Variants in IGSF21 observed in about 807,000 individuals in gnomAD.
IGSF21 encodes immunoglobulin superfamily member 21.
IGSF21 carries 28 observed loss-of-function variants against 46.8 expected under a neutral mutation model. The ratio of observed to expected loss-of-function variants is 0.60; its 90% CI spans 0.44 to 0.82. The LOEUF is 0.82. IGSF21 is among the 40% of genes least tolerant of loss of function. The probability of loss-of-function intolerance (pLI) is 0.00; values close to 1 mark genes in which losing one functional copy is unlikely to be tolerated. For missense variants in IGSF21, 624 were observed against 665.5 expected (o/e 0.94, Z 0.69); for synonymous variants, 284 against 273.6 (o/e 1.04, Z -0.38).
intron 1 of IGSF21, among the ~76,000 whole-genome samples, chr1:18,225,424 C>T (rs1240995855): frequency 2.6e-5 from 4 of 152,172 alleles, no homozygotes; most frequent in Non-Finnish European, 4.4e-5. Flanking sequence ...CACACTTACA[C>T]TTGCAATTCC....
At chr1:18,347,670 G>A (rs1230311467) in intron 4 of IGSF21, among the ~76,000 whole-genome samples, 1 of 152,186 alleles carries the variant, frequency 6.6e-6, no homozygotes, top group Non-Finnish European at 1.5e-5. Context: ...GGGAAGCGAG[G>A]CCTTTGAAAC....
At chr1:18,343,760 C>G (rs555110642) in intron 4 of IGSF21, among the ~76,000 whole-genome samples, 1 of 152,158 alleles carries the variant, frequency 6.6e-6, no homozygotes, top group Non-Finnish European at 1.5e-5. Flanking sequence ...TGTGAAAGTG[C>G]GAGTTTATTT....
intron 2 of IGSF21, among the ~76,000 whole-genome samples, chr1:18,275,770 C>A (rs534048738): frequency 6.6e-6 from 1 of 152,086 alleles, no homozygotes; most frequent in Non-Finnish European, 1.5e-5. Flanking sequence ...GATGGAAATG[C>A]GGCCAAAGTC....
chr1:18,233,299 G>A (rs889699891), intron 2 of IGSF21, among the ~76,000 whole-genome samples: 5 of 152,160 alleles, frequency 3.3e-5, no homozygotes, highest in African/African-American at 1.2e-4. Context: ...GTGTTTTGTG[G>A]TGCAGATGAT....
At chr1:18,282,274 A>C (rs2085168325) in intron 2 of IGSF21, among the ~76,000 whole-genome samples, 1 of 152,164 alleles carries the variant, frequency 6.6e-6, no homozygotes, top group Non-Finnish European at 1.5e-5. Flanking sequence ...GAAGTCACTG[A>C]GTTGGAACCT....
intron 6 of IGSF21, among the ~76,000 whole-genome samples, chr1:18,373,612 C>A (rs2086250656): frequency 6.6e-6 from 1 of 152,156 alleles, no homozygotes; most frequent in Non-Finnish European, 1.5e-5. Flanking sequence ...CCTCTGTGCC[C>A]CTCAGGATCA....
rs372784314 is a variant in IGSF21, at chr1:18,255,802, AG to A, written c.183+27794del. 5.0e-4 allele frequency among the ~76,000 whole-genome samples: 76 copies of A among 152,036 alleles called. 1 individual carries two copies. In the South Asian group the frequency reaches 0.016, roughly 31 times the overall value. ...GTGCCTGCTCCTCCCCTCCCTCCTG[AG>A]GTCCCAAAGTGCTGTTCTAGTCCAC... On this transcript the variant is annotated intron_variant, in intron 2 of 9. Transcript: ENST00000251296.
rs900966897 is a variant in IGSF21, at chr1:18,127,959, A to G, written c.70+19761A>G. ...AACATCTTTGCCCAAAGCATCTGAC[A>G]TCCATAACTATTTAATTCACGGTGG... On this transcript the variant is annotated intron_variant, in intron 1 of 9. Coordinates refer to ENST00000251296, the MANE Select transcript of IGSF21 (RefSeq NM_032880.5). 7.2e-5 allele frequency among the ~76,000 whole-genome samples: 11 copies of G among 152,152 alleles called. No individual in the cohort carries two copies. The South Asian group carries it at 2.3e-3, about 32-fold the overall frequency.
intron 3 of IGSF21, among the ~76,000 whole-genome samples, chr1:18,306,517 T>C (rs2085427361): frequency 6.6e-6 from 1 of 152,144 alleles, no homozygotes; most frequent in Admixed American, 6.5e-5. Flanking sequence ...CCTTTTTCCC[T>C]CTCATATCAA....
At chr1:18,210,889 A>T (rs976278600) in intron 1 of IGSF21, among the ~76,000 whole-genome samples, 1 of 151,928 alleles carries the variant, frequency 6.6e-6, no homozygotes, top group Non-Finnish European at 1.5e-5. Flanking sequence ...TTTTTTGGAG[A>T]CAGAGTCTCA....
chr1:18,192,653 G>A (rs1270759136), intron 1 of IGSF21, among the ~76,000 whole-genome samples: 2 of 152,102 alleles, frequency 1.3e-5, no homozygotes. Context: ...TGTGCTGAGG[G>A]CTGGAGAGCA....
chr1:18,270,843 G>A lies in IGSF21; in HGVS notation c.184-21023G>A, dbSNP rs909192238. ...GGCTGTCACTCACTCTCCTCCCTAC[G>A]AGCCAGCCGCATGTGCGATTTGACA... On this transcript the variant is annotated intron_variant, in intron 2 of 9. Coordinates refer to ENST00000251296, the MANE Select transcript of IGSF21 (RefSeq NM_032880.5). Among the ~76,000 whole-genome samples the A allele has an allele frequency of 1.6e-4, 24 of 151,588 alleles. 1 individual carries two copies. The highest frequency in any genetic ancestry group is 1.3e-3 in the Admixed American group (20 of 15,242).
intron 1 of IGSF21, among the ~76,000 whole-genome samples, chr1:18,222,196 G>A (rs1315981268): frequency 5.3e-5 from 8 of 152,160 alleles, no homozygotes; most frequent in Non-Finnish European, 5.9e-5. Context: ...ACCTCTCCAG[G>A]AGGGTCCCCA....
chr1:18,131,676 C>T (rs187788339), intron 1 of IGSF21, among the ~76,000 whole-genome samples: 16 of 152,286 alleles, frequency 1.1e-4, no homozygotes, highest in Admixed American at 6.5e-4. Flanking sequence ...TCTCTGTAGG[C>T]GGGTGGTTTT....
At chr1:18,336,334 C>A (rs1219273251) in intron 4 of IGSF21, among the ~76,000 whole-genome samples, 2 of 152,196 alleles carry the variant, frequency 1.3e-5, no homozygotes, top group Non-Finnish European at 2.9e-5. Flanking sequence ...GGGAAGGCCC[C>A]TCTGCAGCTA....
At chr1:18,310,499 G>A (rs1266719678) in intron 3 of IGSF21, among the ~76,000 whole-genome samples, 1 of 152,208 alleles carries the variant, frequency 6.6e-6, no homozygotes, top group African/African-American at 2.4e-5. Context: ...ATTCTCCTGT[G>A]GAGTGGCATT....
intron 3 of IGSF21, among the ~76,000 whole-genome samples, chr1:18,321,186 C>T (rs1460046632): frequency 1.3e-5 from 2 of 152,154 alleles, no homozygotes; most frequent in African/African-American, 4.8e-5. Context: ...AAACATGGTC[C>T]CTGCAGACAA....
intron 2 of IGSF21, among the ~76,000 whole-genome samples, chr1:18,252,512 A>G (rs556346335): frequency 6.6e-6 from 1 of 152,360 alleles, no homozygotes; most frequent in East Asian, 1.9e-4. Context: ...ACATCTAAGC[A>G]GGGGCCAGGG....
intron 4 of IGSF21, among the ~76,000 whole-genome samples, chr1:18,353,520 A>G (rs1389467214): frequency 6.6e-6 from 1 of 152,066 alleles, no homozygotes; most frequent in African/African-American, 2.4e-5. Context: ...AGGAAAAGAG[A>G]TGTGTGTGAA....
Sources: gnomAD v4.1 joint callset for allele counts (sites outside exome capture counted in the v4.1 genomes callset) on GRCh38, gnomAD v4.1.1 for gene constraint, MANE v1.5 for transcripts, NCBI Gene and HGNC (gene_info 2026-07-23, HGNC 2026-07-21) for gene names.